Variants in TERF2 observed in about 807,000 individuals in gnomAD.
The protein encoded by TERF2 is telomeric repeat-binding factor 2.
A neutral mutation model predicts 56.1 loss-of-function variants in TERF2; 16 were observed. The ratio of observed to expected loss-of-function variants is 0.29; its 90% CI spans 0.19 to 0.43. TERF2 has a LOEUF of 0.43. Among genes scored for constraint, TERF2 ranks in the 20% least tolerant of loss-of-function variants. TERF2 has a pLI of 1.00. For synonymous variants in TERF2, 296 were observed against 282.1 expected, an observed-to-expected ratio of 1.05 and a Z score of -0.50; for missense variants, 547 against 712.9, an observed-to-expected ratio of 0.77 and a Z score of 2.65.
In TERF2 at chr16:69,385,804, T is replaced by C. The variant is rs1389745898; in HGVS notation, c.168A>G (p.Ala56=). 1.0e-5 allele frequency: 13 copies of C among 1,301,780 alleles called. No homozygotes were observed. The highest frequency in any genetic ancestry group is 2.4e-5 in the South Asian group (1 of 42,356). The allele number at this position is 1,301,780 out of a possible 1,614,324, so 80.6% of individuals were successfully genotyped here. A position where few individuals can be genotyped will look rare whatever the true frequency, so the allele number is the denominator to read the frequency against. Residue 56 remains alanine, a synonymous_variant, in exon 1 of 10, where the codon GCA becomes GCG. Transcript: ENST00000254942. The stretch of plus-strand genomic sequence containing the variant: ...TACTGCGGGACGCCCGCCTGCCAGC[T>C]GCCCGCCCGCTGCCGTCGCTACTCC... The part of the protein sequence containing the change: ...GGGSSDGSGR[A]AGRRASRSSG...
chr16:69,371,907 T>TG (rs2013591781), intron 4 of TERF2, among the ~76,000 whole-genome samples: 1 of 152,200 alleles, frequency 6.6e-6, no homozygotes, highest in African/African-American at 2.4e-5. Flanking sequence ...ACAGGTGCTA[T>TG]GTCCTCACCA....
intron 8 of TERF2, among the ~76,000 whole-genome samples, chr16:69,359,501 CT>C (rs2013046339): frequency 6.8e-6 from 1 of 147,830 alleles, no homozygotes; most frequent in African/African-American, 2.5e-5. Flanking sequence ...GCACCCCAGC[CT>C]GGGCAACAGA....
intron 5 of TERF2, chr16:69,370,134 G>A (rs899199312): frequency 2.6e-5 from 7 of 267,850 alleles, no homozygotes; most frequent in Admixed American, 4.8e-5. Flanking sequence ...GGGTTCAAGC[G>A]ATTCTCCTGC....
chr16:69,384,509 G>C (rs1346588207), intron 3 of TERF2, 71 bp downstream of exon 3: 9 of 1,528,116 alleles, frequency 5.9e-6, no homozygotes, highest in Non-Finnish European at 7.9e-6. Flanking sequence ...ACACAGTAAA[G>C]AGTAAGTGCT....
At chr16:69,361,281 C>A in intron 8 of TERF2, 123 bp downstream of exon 8, 2 of 706,832 alleles carry the variant, frequency 2.8e-6, no homozygotes, top group Non-Finnish European at 5.0e-6. Context: ...AAAATGAGAT[C>A]GGGAACTTAC....
intron 4 of TERF2, among the ~76,000 whole-genome samples, chr16:69,371,633 A>C (rs761528575): frequency 2.0e-5 from 3 of 151,992 alleles, no homozygotes; most frequent in Non-Finnish European, 2.9e-5. Flanking sequence ...TGGGCAACAT[A>C]AAGAGACCCT....
intron 7 of TERF2, chr16:69,365,904 G>A (rs1488825361): frequency 1.3e-5 from 2 of 152,260 alleles, no homozygotes; most frequent in East Asian, 3.9e-4. Context: ...AGACTGACTT[G>A]GATTAAAAAT....
chr16:69,371,290 G>A, intron 4 of TERF2, among the ~76,000 whole-genome samples: 1 of 151,776 alleles, frequency 6.6e-6, no homozygotes, highest in Non-Finnish European at 1.5e-5. Flanking sequence ...CTTGAGGTCA[G>A]GAGTTTGAGA....
At chr16:69,357,853 T>G (rs978333692) in intron 8 of TERF2, among the ~76,000 whole-genome samples, 13 of 148,612 alleles carry the variant, frequency 8.7e-5, no homozygotes, top group African/African-American at 3.0e-4. Flanking sequence ...TTTCTTTTTT[T>G]TTTTTTTTTT....
intron 3 of TERF2, among the ~76,000 whole-genome samples, chr16:69,374,609 C>T (rs1184554738): frequency 7.6e-5 from 8 of 104,930 alleles, no homozygotes; most frequent in Middle Eastern, 9.8e-3. Context: ...GGCAGTAAAG[C>T]GAGACCCTCT....
chr16:69,363,502 T>A (rs1449770490), intron 7 of TERF2, among the ~76,000 whole-genome samples: 1 of 152,190 alleles, frequency 6.6e-6, no homozygotes, highest in Non-Finnish European at 1.5e-5. Context: ...GGCTGAGTGG[T>A]CCTGGCCAAG....
chr16:69,363,474 C>G (rs2013221360), intron 7 of TERF2, among the ~76,000 whole-genome samples: 2 of 152,178 alleles, frequency 1.3e-5, no homozygotes, highest in African/African-American at 4.8e-5. Flanking sequence ...GATCTGGCCG[C>G]TCCTCCTAAC....
chr16:69,362,132 C>A (rs936113379), intron 7 of TERF2, among the ~76,000 whole-genome samples: 1 of 151,842 alleles, frequency 6.6e-6, no homozygotes, highest in African/African-American at 2.4e-5. Flanking sequence ...TCTAACCAAC[C>A]GCCCCACGAT....
chr16:69,377,240 A>C (rs898140943), intron 3 of TERF2, among the ~76,000 whole-genome samples: 2 of 151,936 alleles, frequency 1.3e-5, no homozygotes, highest in African/African-American at 4.8e-5. Flanking sequence ...TGAGATTGTG[A>C]CTGGAATTGT....
intron 8 of TERF2, among the ~76,000 whole-genome samples, chr16:69,358,173 C>T (rs1424113640): frequency 1.3e-5 from 2 of 152,184 alleles, no homozygotes; most frequent in African/African-American, 2.4e-5. Context: ...CCACTACGCC[C>T]GGCTAATTTT....
Position 69,361,502 on chromosome 16 carries a change from CAAG to C in TERF2, c.1341-16_1341-14del. 1 of 1,585,906 alleles carries C rather than the reference CAAG, an allele frequency of 6.3e-7. No homozygotes were observed. Among genetic ancestry groups the C allele is most frequent in the Non-Finnish European group, 8.7e-7 (1 of 1,154,398 alleles). On this transcript the variant is annotated splice_polypyrimidine_tract_variant and intron_variant, in intron 7 of 9. Coordinates refer to ENST00000254942, the MANE Select transcript of TERF2 (RefSeq NM_005652.5). Reference sequence around the variant, plus strand: ...GCCTTTGGGTACTCTGAGGGGAGATCAAGGAGAGCACAGGTATAAAACAAATTC... The same window carrying C: ...GCCTTTGGGTACTCTGAGGGGAGATCGAGAGCACAGGTATAAAACAAATTC...
intron 5 of TERF2, 147 bp from the exon 6 acceptor site, chr16:69,368,629 G>A (rs755608642): frequency 1.3e-6 from 2 of 1,530,724 alleles, no homozygotes; most frequent in South Asian, 1.2e-5. Context: ...AAATGGGAGA[G>A]AACTTGTAAG....
chr16:69,356,894 T>G lies in TERF2; in HGVS notation c.*4A>C. 6.2e-7 allele frequency: 1 copy of G among 1,609,612 alleles called. No individual in the cohort carries two copies. Among genetic ancestry groups the G allele is most frequent in the Non-Finnish European group, 8.5e-7 (1 of 1,177,906 alleles). ...TGTGAATTCTGTGGAAATGAAAGCCTGTTTCAGTTCATGCCAAGTCTTTTC... is the reference window on the plus strand; with the variant it reads ...TGTGAATTCTGTGGAAATGAAAGCCGGTTTCAGTTCATGCCAAGTCTTTTC... On this transcript the variant is annotated 3_prime_UTR_variant, in exon 10 of 10. Transcript: ENST00000254942.
intron 3 of TERF2, among the ~76,000 whole-genome samples, chr16:69,378,656 T>C (rs2013882717): frequency 6.6e-6 from 1 of 152,148 alleles, no homozygotes; most frequent in Non-Finnish European, 1.5e-5. Flanking sequence ...AAACTATTCA[T>C]CACTGGTTTG....
Sources: allele counts gnomAD v4.1 joint callset (sites outside exome capture counted in the v4.1 genomes callset), GRCh38; gene constraint gnomAD v4.1.1; transcripts MANE v1.5; gene names NCBI Gene and HGNC (gene_info 2026-07-23, HGNC 2026-07-21).